The following ZC3H12D variants were observed in gnomAD, a reference collection of about 807,000 sequenced individuals.
The protein encoded by ZC3H12D is probable ribonuclease ZC3H12D.
In ZC3H12D, 11 loss-of-function variants were observed where a neutral mutation model predicts 24.2. That is an observed-to-expected ratio of 0.46 (90% CI 0.29 to 0.75). The LOEUF is 0.75. ZC3H12D is among the 30% of genes least tolerant of loss of function. The probability of loss-of-function intolerance (pLI) is 0.11; values close to 1 mark genes in which losing one functional copy is unlikely to be tolerated. For synonymous variants in ZC3H12D, 333 were observed against 341.8 expected (o/e 0.97, Z 0.28); for missense variants, 740 against 767.7 (o/e 0.96, Z 0.43).
At chr6:149,458,148 T>TCTTTTTTC (rs1562472757) in intron 3 of ZC3H12D, among the ~76,000 whole-genome samples, 1 of 128,078 alleles carries the variant, frequency 7.8e-6, no homozygotes, top group African/African-American at 3.6e-5. Flanking sequence ...TTTTTTTTTT[T>TCTTTTTTC]TTTTTGAGAC....
Position 149,451,347 on chromosome 6 carries a change from C to A in ZC3H12D, c.920G>T (p.Arg307Leu). 6.8e-7 allele frequency: 1 copy of A among 1,474,776 alleles called. No homozygotes were observed. Among genetic ancestry groups the A allele is most frequent in the Non-Finnish European group, 8.9e-7 (1 of 1,123,614 alleles). 91.4% of individuals were successfully genotyped at this position (1,474,776 alleles called of 1,614,324 possible). A position where few individuals can be genotyped will look rare whatever the true frequency, so the allele number is the denominator to read the frequency against. The change falls in exon 6 of 6, where the codon CGG (arginine) becomes CTG (leucine). Residue 307 changes from arginine to leucine, a missense_variant. Transcript: ENST00000409806. Reference sequence around the variant, plus strand: ...GGAGCCGCCCGGGGCTCTCGGTGGCCGCTGCTCCTCGGCGCCCGCGCCAGG... The same window carrying A: ...GGAGCCGCCCGGGGCTCTCGGTGGCAGCTGCTCCTCGGCGCCCGCGCCAGG... ...ARPGAGAEEQ[R>L]PPRAPGGSAG...
intron 1 of ZC3H12D, among the ~76,000 whole-genome samples, chr6:149,475,752 TC>T (rs1420906086): frequency 7.4e-5 from 11 of 148,324 alleles, no homozygotes; most frequent in South Asian, 2.1e-4. Flanking sequence ...ATTTCATCCA[TC>T]CCAGCCAGGC....
chr6:149,455,754 G>C (rs753271118), intron 4 of ZC3H12D, among the ~76,000 whole-genome samples: 1 of 152,042 alleles, frequency 6.6e-6, no homozygotes, highest in South Asian at 2.1e-4. Flanking sequence ...AAAAGATTCT[G>C]GGCTGGGCTC....
At position 149,450,640 on chromosome 6, in the gene ZC3H12D, C is replaced by A; in HGVS notation, c.*43G>T. On this transcript the variant is annotated 3_prime_UTR_variant, in exon 6 of 6. Transcript: ENST00000409806. ...ACCACAGGTCCACCCGTCCAAGACG[C>A]AAGGCGAGGCTGGGCCATTCCCTGC... 1 of 1,464,690 alleles carries A rather than the reference C, an allele frequency of 6.8e-7. No homozygotes were observed. The highest frequency in any genetic ancestry group is 9.0e-7 in the Non-Finnish European group (1 of 1,105,040). The allele number at this position is 1,464,690 out of a possible 1,614,324, so 90.7% of individuals were successfully genotyped here.
chr6:149,481,320 C>T (rs1465845615), intron 1 of ZC3H12D, among the ~76,000 whole-genome samples: 1 of 150,210 alleles, frequency 6.7e-6, no homozygotes, highest in East Asian at 1.9e-4. Context: ...AGAGAAAGGA[C>T]CAGAAGAAAG....
intron 2 of ZC3H12D, among the ~76,000 whole-genome samples, chr6:149,468,791 C>T (rs1374437523): frequency 6.6e-6 from 1 of 152,106 alleles, no homozygotes; most frequent in South Asian, 2.1e-4. Context: ...TGACCCCCAG[C>T]CCGGTCATAA....
At chr6:149,464,292 C>T (rs1776118832) in intron 2 of ZC3H12D, among the ~76,000 whole-genome samples, 1 of 152,174 alleles carries the variant, frequency 6.6e-6, no homozygotes, top group African/African-American at 2.4e-5. Flanking sequence ...CTGGTGAAAC[C>T]TGAAGACGTC....
At chr6:149,459,659 C>T in intron 3 of ZC3H12D, 1 of 718,050 alleles carries the variant, frequency 1.4e-6, no homozygotes, top group Non-Finnish European at 2.6e-6. Context: ...TGGACCTCCA[C>T]TCATTTCCCA....
intron 1 of ZC3H12D, among the ~76,000 whole-genome samples, chr6:149,483,617 A>G (rs1189728210): frequency 1.3e-5 from 2 of 152,194 alleles, no homozygotes; most frequent in African/African-American, 4.8e-5. Context: ...TTTGCTCAGC[A>G]TTATATCTTC....
At chr6:149,451,508 G>C in intron 5 of ZC3H12D, 29 bp from the exon 6 acceptor site, 1 of 1,542,188 alleles carries the variant, frequency 6.5e-7, no homozygotes, top group Non-Finnish European at 8.7e-7. Flanking sequence ...GAGAGGGCGC[G>C]ACGTGAGGCC....
At chr6:149,480,974 G>A (rs1776416853) in intron 1 of ZC3H12D, among the ~76,000 whole-genome samples, 3 of 151,616 alleles carry the variant, frequency 2.0e-5, no homozygotes, top group African/African-American at 7.3e-5. Flanking sequence ...CTCCCTGACT[G>A]GTGACCAGTC....
At position 149,474,477 on chromosome 6, in the gene ZC3H12D, C is replaced by G; in HGVS notation, c.67G>C (p.Val23Leu). 1 of 1,586,034 alleles carries G rather than the reference C, an allele frequency of 6.3e-7. No individual in the cohort carries two copies. Among genetic ancestry groups the G allele is most frequent in the Non-Finnish European group, 8.6e-7 (1 of 1,160,490 alleles). ...GCGCCCTCGCCCAGCTTGCCCAACACCCGGAGCACATCCTCCCGGTCATAG... is the reference window on the plus strand; with the variant it reads ...GCGCCCTCGCCCAGCTTGCCCAACAGCCGGAGCACATCCTCCCGGTCATAG... Reference protein sequence around the residue: ...LGYDREDVLRVLGKLGEGALV... With the variant: ...LGYDREDVLRLLGKLGEGALV... The change falls in exon 2 of 6, where the codon GTG becomes CTG. Residue 23 changes from valine (V) to leucine (L), a missense_variant. Physicochemically the swap from Val to Leu is conservative, Grantham distance 32. Coordinates refer to ENST00000409806, the MANE Select transcript of ZC3H12D (RefSeq NM_207360.3).
chr6:149,466,800 C>A (rs994086450), intron 2 of ZC3H12D, among the ~76,000 whole-genome samples: 1 of 151,654 alleles, frequency 6.6e-6, no homozygotes, highest in African/African-American at 2.4e-5. Flanking sequence ...CGCTTGAACC[C>A]GGGAGGGAGA....
chr6:149,451,526 G>A (rs1212879699), intron 5 of ZC3H12D, 47 bp from the exon 6 acceptor site: 2 of 1,473,924 alleles, frequency 1.4e-6, no homozygotes, highest in Non-Finnish European at 1.8e-6. Context: ...GCCCGGGGGC[G>A]CGGAGGGGCG....
Position 149,450,437 on chromosome 6 carries a change from A to C in ZC3H12D, c.*246T>G. On this transcript the variant is annotated 3_prime_UTR_variant, in exon 6 of 6. Transcript: ENST00000409806. ...GGACCCGCAGTCTCCGTGCACATGG[A>C]AAATCATTCCCTCCACGGAAGTGGG... The C allele has an allele frequency of 2.0e-6, 1 of 488,216 alleles. No individual in the cohort carries two copies. Among genetic ancestry groups the C allele is most frequent in the South Asian group, 3.7e-5 (1 of 27,342 alleles). 30.2% of individuals were successfully genotyped at this position (488,216 alleles called of 1,614,324 possible). A position where few individuals can be genotyped will look rare whatever the true frequency, so the allele number is the denominator to read the frequency against.
rs780365137 is a variant in ZC3H12D, at chr6:149,456,764, G to A, written c.582C>T (p.Ile194=). The A allele has an allele frequency of 1.9e-6, 3 of 1,613,666 alleles. No individual in the cohort carries two copies. The highest frequency in any genetic ancestry group is 1.7e-5 in the Admixed American group (1 of 60,008). ...GGTCCCGGTAGTTGTCGTTGGAGAC[G>A]ATGACGCCGTCCTGCTCGTAGGCCA... The part of the protein sequence containing the change: ...VKVAYEQDGV[I]VSNDNYRDLQ... Residue 194 remains isoleucine, a synonymous_variant, in exon 4 of 6, where the codon ATC becomes ATT. Transcript: ENST00000409806. This position sits in a 1 kb window ranked among gnomAD's most constrained non-coding sequence, Gnocchi z 4.3.
In ZC3H12D at chr6:149,456,609, G is replaced by GGCCCCCGCCCCCCCCCCCCCCCCCCC; in HGVS notation, c.680+56_680+57insGGGGGGGGGGGGGGGGGGGCGGGGGC. 1 of 1,384,792 alleles carries GGCCCCCGCCCCCCCCCCCCCCCCCCC rather than the reference G, an allele frequency of 7.2e-7. No homozygotes were observed. 85.8% of individuals were successfully genotyped at this position (1,384,792 alleles called of 1,614,324 possible). A position where few individuals can be genotyped will look rare whatever the true frequency, so the allele number is the denominator to read the frequency against. On this transcript the variant is annotated intron_variant, in intron 4 of 5. Transcript: ENST00000409806. The surrounding 1 kb of genome is among the most constrained non-coding windows in gnomAD (Gnocchi z 4.3). ...TGGTAGCAGGCGTGGCCACTGCCTC[G>GGCCCCCGCCCCCCCCCCCCCCCCCCC]ACCCCGGCCCCCCGCCCCGCCGCCC...
At chr6:149,478,769 C>T (rs1776380524) in intron 1 of ZC3H12D, among the ~76,000 whole-genome samples, 1 of 152,148 alleles carries the variant, frequency 6.6e-6, no homozygotes, top group South Asian at 2.1e-4. Flanking sequence ...CATCTATCTC[C>T]TACTGTCCTC....
At chr6:149,466,705 G>C (rs998824446) in intron 2 of ZC3H12D, among the ~76,000 whole-genome samples, 1 of 151,942 alleles carries the variant, frequency 6.6e-6, no homozygotes, top group African/African-American at 2.4e-5. Context: ...GTGAAACCCC[G>C]TCTTTACTAA....
Sources: allele counts gnomAD v4.1 joint callset (sites outside exome capture counted in the v4.1 genomes callset), GRCh38; gene constraint gnomAD v4.1.1; non-coding constraint Gnocchi (gnomAD v3.1); transcripts MANE v1.5; gene names NCBI Gene and HGNC (gene_info 2026-07-23, HGNC 2026-07-21).